Variants in TRHDE observed in about 807,000 individuals in gnomAD.
TRHDE encodes the protein thyrotropin-releasing hormone-degrading ectoenzyme.
A neutral mutation model predicts 125.7 loss-of-function variants in TRHDE; 72 were observed. The ratio of observed to expected loss-of-function variants is 0.57; its 90% CI spans 0.47 to 0.70. The LOEUF (loss-of-function observed/expected upper bound fraction) is 0.70, where lower values mean the gene tolerates loss of function less well. TRHDE is among the 30% of genes least tolerant of loss of function. TRHDE has a pLI of 0.00. For synonymous variants in TRHDE, 509 were observed against 509.1 expected, an observed-to-expected ratio of 1.00 and a Z score of 0.00; for missense variants, 1,110 against 1,327.1, an observed-to-expected ratio of 0.84 and a Z score of 2.54.
chr12:72,134,311 C>T (rs968907103), intron 2 of TRHDE, among the ~76,000 whole-genome samples: 10 of 151,974 alleles, frequency 6.6e-5, no homozygotes, highest in African/African-American at 1.2e-4. Context: ...CCTGCAGAAT[C>T]GCTCTATTGC....
intron 7 of TRHDE, among the ~76,000 whole-genome samples, chr12:72,544,767 T>C (rs1869330029): frequency 6.6e-6 from 1 of 151,550 alleles, no homozygotes; most frequent in Non-Finnish European, 1.5e-5. Context: ...AATACATACA[T>C]GTATATGTGT....
At chr12:72,591,089 A>G (rs959567555) in intron 12 of TRHDE, among the ~76,000 whole-genome samples, 4 of 152,162 alleles carry the variant, frequency 2.6e-5, no homozygotes, top group Non-Finnish European at 5.9e-5. Flanking sequence ...TAGGCAGGAG[A>G]CTGTGCAGGG....
intron 2 of TRHDE, among the ~76,000 whole-genome samples, chr12:72,114,503 C>T (rs921457700): frequency 1.3e-5 from 2 of 152,070 alleles, no homozygotes; most frequent in African/African-American, 4.8e-5. Flanking sequence ...AATATATTTA[C>T]TATTCCATTA....
At chr12:72,511,958 C>CCT (rs1174152303) in intron 6 of TRHDE, among the ~76,000 whole-genome samples, 1 of 152,004 alleles carries the variant, frequency 6.6e-6, no homozygotes, top group Non-Finnish European at 1.5e-5. Flanking sequence ...CTCTCTTGTC[C>CCT]CTCTTTGTGT....
At chr12:72,131,498 C>G (rs1470287112) in intron 2 of TRHDE, among the ~76,000 whole-genome samples, 3 of 152,046 alleles carry the variant, frequency 2.0e-5, no homozygotes, top group African/African-American at 7.2e-5. Context: ...ATCCCCTTTT[C>G]CCATATATCT....
At chr12:72,214,741 C>G (rs1312385209) in intron 2 of TRHDE, among the ~76,000 whole-genome samples, 2 of 152,104 alleles carry the variant, frequency 1.3e-5, no homozygotes, top group African/African-American at 4.8e-5. Context: ...AAAACAGACC[C>G]TATAAGACAA....
At chr12:72,088,994 C>T (rs529676148) in intron 1 of TRHDE, among the ~76,000 whole-genome samples, 26 of 152,216 alleles carry the variant, frequency 1.7e-4, no homozygotes, top group Non-Finnish European at 3.2e-4. Context: ...TAGATATCTC[C>T]AAATCAATAT....
At chr12:72,399,629 G>C (rs1872953525) in intron 3 of TRHDE, among the ~76,000 whole-genome samples, 1 of 151,996 alleles carries the variant, frequency 6.6e-6, no homozygotes. Context: ...TTTTCACACA[G>C]AAAGTTTAAA....
At chr12:72,465,951 A>G (rs1363230160) in intron 3 of TRHDE, among the ~76,000 whole-genome samples, 1 of 152,130 alleles carries the variant, frequency 6.6e-6, no homozygotes, top group Non-Finnish European at 1.5e-5. Flanking sequence ...GCTGTCCTCT[A>G]CTACTGATCT....
intron 2 of TRHDE, among the ~76,000 whole-genome samples, chr12:72,299,745 T>C (rs556776197): frequency 3.7e-4 from 56 of 152,260 alleles, no homozygotes; most frequent in African/African-American, 1.3e-3. Context: ...CTTAGCATCA[T>C]CTTAAATGAT....
At chr12:72,585,513 G>T (rs116904467) in intron 12 of TRHDE, among the ~76,000 whole-genome samples, 2 of 152,210 alleles carry the variant, frequency 1.3e-5, no homozygotes, top group East Asian at 1.9e-4. Context: ...CTTCTGAACC[G>T]ACCCCTTTCC....
upstream of TRHDE, among the ~76,000 whole-genome samples, chr12:72,270,696 A>C (rs1303924994): frequency 6.6e-6 from 1 of 152,194 alleles, no homozygotes; most frequent in Non-Finnish European, 1.5e-5. Flanking sequence ...TTGTTTTACT[A>C]AACACTGGAG....
chr12:72,172,779 T>C (rs1374684655), intron 2 of TRHDE, among the ~76,000 whole-genome samples: 1 of 152,230 alleles, frequency 6.6e-6, no homozygotes, highest in Admixed American at 6.5e-5. Flanking sequence ...CAATGTTAAA[T>C]ATGCTTACTA....
At chr12:72,637,712 C>T (rs1174301260) in intron 15 of TRHDE, among the ~76,000 whole-genome samples, 1 of 152,090 alleles carries the variant, frequency 6.6e-6, no homozygotes, top group African/African-American at 2.4e-5. Context: ...TGTCTTTGTT[C>T]TTGTTGGTTT....
chr12:72,391,868 G>A (rs1265067587), intron 3 of TRHDE, among the ~76,000 whole-genome samples: 2 of 152,134 alleles, frequency 1.3e-5, no homozygotes, highest in Non-Finnish European at 2.9e-5. Flanking sequence ...ATTGAATTGT[G>A]TCTCCCCAAA....
At chr12:72,228,244 A>G (rs1878175632) in intron 2 of TRHDE, among the ~76,000 whole-genome samples, 9 of 152,180 alleles carry the variant, frequency 5.9e-5, no homozygotes, top group Admixed American at 2.0e-4. Flanking sequence ...AGGCATTTCC[A>G]TCCAGCCTCT....
At chr12:72,166,567 G>T (rs1876753559) in intron 2 of TRHDE, among the ~76,000 whole-genome samples, 1 of 152,088 alleles carries the variant, frequency 6.6e-6, no homozygotes, top group African/African-American at 2.4e-5. Flanking sequence ...ATAAATTATG[G>T]CATAATCAGC....
chr12:72,637,135 G>C (rs1412805675), intron 15 of TRHDE, among the ~76,000 whole-genome samples: 1 of 152,084 alleles, frequency 6.6e-6, no homozygotes, highest in Non-Finnish European at 1.5e-5. Flanking sequence ...TCTGGTCCCG[G>C]ACTCTTTTTG....
chr12:72,309,002 C>T lies in TRHDE; in HGVS notation c.1188+22048C>T, dbSNP rs140255047. On this transcript the variant is annotated intron_variant, in intron 2 of 18. Coordinates refer to ENST00000261180, the MANE Select transcript of TRHDE (RefSeq NM_013381.3). ...CACTTTGAGTTTATTTTTTAATTAA[C>T]TTTTTTGAGGTATAATTTATGTACG... Among the ~76,000 whole-genome samples the T allele has an allele frequency of 9.0e-3, 1,368 of 152,024 alleles. 54 individuals carry two copies. Among genetic ancestry groups the T allele is most frequent in the Admixed American group, 0.067 (1,023 of 15,250 alleles).
Sources: gnomAD v4.1 joint callset for allele counts (sites outside exome capture counted in the v4.1 genomes callset) on GRCh38, gnomAD v4.1.1 for gene constraint, MANE v1.5 for transcripts, NCBI Gene and HGNC (gene_info 2026-07-23, HGNC 2026-07-21) for gene names.